RUNX1T1: variants seen among roughly 807,000 people sequenced by gnomAD.
RUNX1T1 encodes RUNX1 partner transcriptional co-repressor 1.
In RUNX1T1, 4 loss-of-function variants were observed where a neutral mutation model predicts 62.8. The ratio of observed to expected loss-of-function variants is 0.06; its 90% confidence interval spans 0.03 to 0.15. The LOEUF (loss-of-function observed/expected upper bound fraction) is 0.15, where lower values mean the gene tolerates loss of function less well. Among genes scored for constraint, RUNX1T1 ranks in the 10% least tolerant of loss-of-function variants. RUNX1T1 has a pLI of 1.00. For missense variants in RUNX1T1, 508 were observed against 754.3 expected (o/e 0.67, Z 3.82); for synonymous variants, 291 against 286.0 (o/e 1.02, Z -0.18).
chr8:92,048,172 T>C lies in RUNX1T1; in HGVS notation c.7+14374A>G, dbSNP rs1424727025. On this transcript the variant is annotated intron_variant, in intron 1 of 10. Coordinates refer to ENST00000396218, the Ensembl canonical transcript of RUNX1T1. The stretch of plus-strand genomic sequence containing the variant: ...TTTAAATGTAAACATTTACAACTGA[T>C]AGACTGCTTAAATGAACATTCAATA... 2.0e-5 allele frequency among the ~76,000 whole-genome samples: 3 copies of C among 152,224 alleles called. No homozygotes were observed. In the East Asian group the frequency reaches 5.8e-4, roughly 29 times the overall value.
chr8:92,068,817 C>T (rs922803707), intron 2 of RUNX1T1, among the ~76,000 whole-genome samples: 2 of 152,124 alleles, frequency 1.3e-5, no homozygotes, highest in Admixed American at 6.5e-5. Context: ...ATCTTACCAC[C>T]GCTATGAACA....
At chr8:92,054,593 C>G (rs1830736038) in intron 1 of RUNX1T1, among the ~76,000 whole-genome samples, 1 of 152,130 alleles carries the variant, frequency 6.6e-6, no homozygotes, top group Non-Finnish European at 1.5e-5. Context: ...AGCACTGATT[C>G]ACAATCAGGC....
chr8:91,996,961 A>AC (rs1292920127), intron 5 of RUNX1T1, among the ~76,000 whole-genome samples: 14 of 140,464 alleles, frequency 1.0e-4, no homozygotes, highest in Non-Finnish European at 2.1e-4. Context: ...GTCTCTACTA[A>AC]GAAAAAAAAA....
chr8:91,997,530 G>C (rs1818939862), intron 5 of RUNX1T1, among the ~76,000 whole-genome samples: 1 of 152,148 alleles, frequency 6.6e-6, no homozygotes, highest in Non-Finnish European at 1.5e-5. Context: ...AGTTTCGACA[G>C]ACATTTCACA....
chr8:91,991,714 C>A, exon 6 of RUNX1T1: 1 of 1,614,068 alleles, frequency 6.2e-7, no homozygotes, highest in Non-Finnish European at 8.5e-7. Context: ...TGGGCAATGG[C>A]CATATCATCC....
intron 6 of RUNX1T1, 81 bp downstream of exon 7, chr8:91,991,558 C>G (rs1293597331): frequency 2.1e-6 from 3 of 1,421,896 alleles, no homozygotes; most frequent in Admixed American, 2.0e-5. Flanking sequence ...AGATTTCAAG[C>G]CTCAAGTTAA....
At chr8:91,997,179 A>G (rs544480513) in intron 5 of RUNX1T1, among the ~76,000 whole-genome samples, 169 of 152,276 alleles carry the variant, frequency 1.1e-3, no homozygotes, top group Non-Finnish European at 1.9e-3. Context: ...AATATTTTTA[A>G]GATGATGATT....
chr8:92,002,206 A>G (rs1449483825), intron 5 of RUNX1T1, among the ~76,000 whole-genome samples: 1 of 152,192 alleles, frequency 6.6e-6, no homozygotes, highest in Non-Finnish European at 1.5e-5. Flanking sequence ...AATAAAAATT[A>G]TCTTTTTCTA....
chr8:91,960,877 T>C (rs1288293529), intron 10 of RUNX1T1, among the ~76,000 whole-genome samples: 1 of 152,232 alleles, frequency 6.6e-6, no homozygotes, highest in Non-Finnish European at 1.5e-5. Flanking sequence ...CCAATACCTA[T>C]ACCACAATAG....
intron 10 of RUNX1T1, among the ~76,000 whole-genome samples, chr8:91,967,512 G>C (rs1811898720): frequency 6.6e-6 from 1 of 151,988 alleles, no homozygotes. Flanking sequence ...CAATCTTTCA[G>C]AACCACTGTT....
intron 1 of RUNX1T1, among the ~76,000 whole-genome samples, chr8:92,052,228 A>G (rs1420932571): frequency 6.6e-6 from 1 of 152,200 alleles, no homozygotes; most frequent in African/African-American, 2.4e-5. Context: ...TGTATATCCA[A>G]ACTTCCAAGA....
At chr8:91,982,010 C>T (rs978147293) in intron 8 of RUNX1T1, among the ~76,000 whole-genome samples, 8 of 151,566 alleles carry the variant, frequency 5.3e-5, no homozygotes, top group East Asian at 2.0e-4. Context: ...TTTGGGAGGC[C>T]GAGGTAGGCA....
At chr8:91,968,915 CA>C (rs1812201043) in intron 10 of RUNX1T1, among the ~76,000 whole-genome samples, 1 of 152,040 alleles carries the variant, frequency 6.6e-6, no homozygotes, top group African/African-American at 2.4e-5. Context: ...GTGGTTTTCT[CA>C]AAAATCAAAG....
At chr8:91,967,198 T>A (rs1358419604) in intron 10 of RUNX1T1, among the ~76,000 whole-genome samples, 5 of 152,190 alleles carry the variant, frequency 3.3e-5, no homozygotes, top group African/African-American at 4.8e-5. Flanking sequence ...ACACTCATCG[T>A]AGGTCGTCTT....
intron 8 of RUNX1T1, among the ~76,000 whole-genome samples, chr8:91,978,110 T>C (rs565046577): frequency 2.8e-4 from 42 of 152,120 alleles, no homozygotes; most frequent in Middle Eastern, 6.8e-3. Context: ...AAATAGTCAA[T>C]CATTATGATA....
At chr8:92,070,101 TG>T (rs1833458649) in intron 2 of RUNX1T1, among the ~76,000 whole-genome samples, 1 of 152,252 alleles carries the variant, frequency 6.6e-6, no homozygotes, top group Non-Finnish European at 1.5e-5. Context: ...CTTTCATTTC[TG>T]ACACCACCTG....
chr8:91,979,960 A>G, intron 8 of RUNX1T1: 1 of 438,418 alleles, frequency 2.3e-6, no homozygotes, highest in South Asian at 1.9e-5. Context: ...GGCTGTGATC[A>G]TGATAATATC....
chr8:91,984,790 C>T (rs1394232074), intron 8 of RUNX1T1, among the ~76,000 whole-genome samples: 1 of 152,124 alleles, frequency 6.6e-6, no homozygotes, highest in Non-Finnish European at 1.5e-5. Context: ...AATAGTTTGG[C>T]TTCGACCAAT....
In RUNX1T1 at chr8:91,960,236, T is replaced by G. The variant is rs1186278801; in HGVS notation, c.*6A>C. 8 of 1,606,278 alleles carry G rather than the reference T, an allele frequency of 5.0e-6. No homozygotes were observed. The East Asian group carries it at 1.8e-4, about 36-fold the overall frequency. ...TGTCTTTCCTCCGACAGTTCTGAGT[T>G]CACGTCTAGCGAGGGGTTGTCTCTA... On this transcript the variant is annotated 3_prime_UTR_variant, in exon 11 of 11. Coordinates refer to ENST00000396218, the Ensembl canonical transcript of RUNX1T1.
Sources: gnomAD v4.1 joint callset for allele counts (sites outside exome capture counted in the v4.1 genomes callset) on GRCh38, gnomAD v4.1.1 for gene constraint, MANE v1.5 for transcripts, NCBI Gene and HGNC (gene_info 2026-07-23, HGNC 2026-07-21) for gene names.